SPACA9: variants seen among roughly 807,000 people sequenced by gnomAD.
SPACA9 encodes sperm acrosome associated 9, also known as sperm acrosome-associated protein 9.
Under a neutral mutation model 12.5 loss-of-function variants are expected in SPACA9, and 14 were observed. The observed-to-expected ratio is 1.12, with a 90% CI of 0.74 to 1.75. SPACA9 has a LOEUF of 1.75. Among genes scored for constraint, SPACA9 ranks in the 40% most tolerant of loss-of-function variants. SPACA9 has a pLI of 0.00. For synonymous variants in SPACA9, 111 were observed against 114.1 expected (o/e 0.97, Z 0.17); for missense variants, 292 against 291.9 (o/e 1.00, Z 0.00).
intron 1 of SPACA9, among the ~76,000 whole-genome samples, chr9:132,879,880 C>G (rs1844343017): frequency 6.6e-6 from 1 of 152,230 alleles, no homozygotes; most frequent in Admixed American, 6.5e-5. Context: ...AACTCTGCAT[C>G]CAGGCTCCAG....
At position 132,888,232 on chromosome 9, in the gene SPACA9, G is replaced by A; in HGVS notation, c.348-58G>A. Reference sequence around the variant, plus strand: ...TGTGCCTGAGGTGTGGCAGCTGCTTGCCACGGCATGGCAAGTCCCGGGAGC... The same window carrying A: ...TGTGCCTGAGGTGTGGCAGCTGCTTACCACGGCATGGCAAGTCCCGGGAGC... On this transcript the variant is annotated intron_variant, in intron 3 of 3. Coordinates refer to ENST00000356311, the MANE Select transcript of SPACA9 (RefSeq NM_001316897.2). The surrounding 1 kb of genome is among the most constrained non-coding windows in gnomAD (Gnocchi z 5.0). 1 of 1,551,448 alleles carries A rather than the reference G, an allele frequency of 6.4e-7. No individual in the cohort carries two copies.
intron 1 of SPACA9, among the ~76,000 whole-genome samples, chr9:132,879,937 A>C (rs887789400): frequency 6.6e-6 from 1 of 152,222 alleles, no homozygotes; most frequent in African/African-American, 2.4e-5. Context: ...ATGCCCTCCC[A>C]ACGTAAAAGC....
intron 1 of SPACA9, 71 bp from the exon 2 acceptor site, chr9:132,883,823 ATCCCTCTCCCCTGACAG>A: frequency 9.7e-7 from 1 of 1,033,290 alleles, no homozygotes; most frequent in Non-Finnish European, 1.5e-6. Context: ...GGCCATGGGT[ATCCCTCTCCCCTGACAG>A]TCCTTCCCTC....
chr9:132,880,806 G>A (rs1411050908), intron 1 of SPACA9, among the ~76,000 whole-genome samples: 1 of 151,700 alleles, frequency 6.6e-6, no homozygotes, highest in African/African-American at 2.4e-5. Flanking sequence ...GCCTCAGTAT[G>A]GCAAGGTGCA....
chr9:132,878,464 G>C, upstream of SPACA9: 1 of 1,220,706 alleles, frequency 8.2e-7, no homozygotes, highest in Non-Finnish European at 1.0e-6. This position sits in a 1 kb window ranked among gnomAD's most constrained non-coding sequence, Gnocchi z 4.7. Context: ...CCCCGGCCTC[G>C]CTTTTCCCAT....
At chr9:132,878,488 CG>C (rs1201785138), upstream of SPACA9, 25 of 1,208,154 alleles carry the variant, frequency 2.1e-5, no homozygotes, top group Admixed American at 2.6e-4. The surrounding 1 kb of genome is among the most constrained non-coding windows in gnomAD (Gnocchi z 4.7). Context: ...CGCATCTTAG[CG>C]GGGGACACCC....
At chr9:132,881,965 G>C (rs1245904744) in intron 1 of SPACA9, among the ~76,000 whole-genome samples, 1 of 152,226 alleles carries the variant, frequency 6.6e-6, no homozygotes, top group Non-Finnish European at 1.5e-5. Context: ...CTGTGCGTGA[G>C]TCAGCATGTC....
intron 2 of SPACA9, among the ~76,000 whole-genome samples, chr9:132,885,490 G>T (rs1037055183): frequency 2.1e-5 from 3 of 142,868 alleles, no homozygotes; most frequent in African/African-American, 7.8e-5. Context: ...TCCAGCCTGG[G>T]TGACACAGCA....
intron 2 of SPACA9, among the ~76,000 whole-genome samples, chr9:132,886,788 C>T (rs1254544111): frequency 6.6e-6 from 1 of 151,924 alleles, no homozygotes; most frequent in African/African-American, 2.4e-5. Flanking sequence ...TATCTATCTA[C>T]CCATCCATCC....
Position 132,888,153 on chromosome 9 carries a change from G to A in SPACA9, c.348-137G>A. The A allele has an allele frequency of 1.4e-6, 2 of 1,392,790 alleles. No homozygotes were observed. Among genetic ancestry groups the A allele is most frequent in the African/African-American group, 2.9e-5 (2 of 69,216 alleles). The allele number at this position is 1,392,790 out of a possible 1,614,324, so 86.3% of individuals were successfully genotyped here. A position where few individuals can be genotyped will look rare whatever the true frequency, so the allele number is the denominator to read the frequency against. On this transcript the variant is annotated intron_variant, in intron 3 of 3. Coordinates refer to ENST00000356311, the MANE Select transcript of SPACA9 (RefSeq NM_001316897.2). The surrounding 1 kb of genome is among the most constrained non-coding windows in gnomAD (Gnocchi z 5.0). Reference sequence around the variant, plus strand: ...TGGTCTGCCAGAATCTCTGGGGACAGAGCGCCTCAGCGTGCTGTGTGTCCA... The same window carrying A: ...TGGTCTGCCAGAATCTCTGGGGACAAAGCGCCTCAGCGTGCTGTGTGTCCA...
chr9:132,887,641 C>T lies in SPACA9; in HGVS notation c.347+70C>T. On this transcript the variant is annotated intron_variant, in intron 3 of 3. Coordinates refer to ENST00000356311, the MANE Select transcript of SPACA9 (RefSeq NM_001316897.2). This position sits in a 1 kb window ranked among gnomAD's most constrained non-coding sequence, Gnocchi z 5.4. ...GGGGAGGCCTCTGTCCTGCTTCTTT[C>T]CTGTTGCCTGGATCATGGTGCTCCT... is the stretch of plus-strand genomic sequence containing the variant. 1 of 1,360,818 alleles carries T rather than the reference C, an allele frequency of 7.3e-7. No individual in the cohort carries two copies. The highest frequency in any genetic ancestry group is 1.0e-6 in the Non-Finnish European group (1 of 959,926). The allele number at this position is 1,360,818 out of a possible 1,614,324, so 84.3% of individuals were successfully genotyped here.
chr9:132,888,776 T>G lies in SPACA9; in HGVS notation c.*165T>G, dbSNP rs1844650041. 9.3e-7 allele frequency: 1 copy of G among 1,079,216 alleles called. No individual in the cohort carries two copies. The highest frequency in any genetic ancestry group is 1.2e-6 in the Non-Finnish European group (1 of 852,344). 66.9% of individuals were successfully genotyped at this position (1,079,216 alleles called of 1,614,324 possible). On this transcript the variant is annotated 3_prime_UTR_variant, in exon 4 of 4. Coordinates refer to ENST00000356311, the MANE Select transcript of SPACA9 (RefSeq NM_001316897.2). This position sits in a 1 kb window ranked among gnomAD's most constrained non-coding sequence, Gnocchi z 5.0. ...CTCTCTCTCTTCTTGCTTTAACTTC[T>G]TTTTTTTTTGAGACGGAGTCTCGCT...
upstream of SPACA9, chr9:132,878,405 G>A: frequency 8.1e-7 from 1 of 1,239,334 alleles, no homozygotes; most frequent in South Asian, 4.0e-5. The surrounding 1 kb of genome is among the most constrained non-coding windows in gnomAD (Gnocchi z 4.7). Context: ...CCCCCGCCCC[G>A]ACCTCCCCGG....
intron 1 of SPACA9, among the ~76,000 whole-genome samples, chr9:132,881,120 A>T (rs1186906875): frequency 6.6e-6 from 1 of 151,810 alleles, no homozygotes; most frequent in Admixed American, 6.6e-5. Context: ...TACCGCGCCC[A>T]GCCAGCAATC....
Position 132,889,024 on chromosome 9 carries a change from C to G in SPACA9, c.*413C>G, listed in dbSNP as rs999810069. 5 of 919,138 alleles carry G rather than the reference C, an allele frequency of 5.4e-6. No individual in the cohort carries two copies. In the Admixed American group the frequency reaches 2.1e-4, roughly 38 times the overall value. 56.9% of individuals were successfully genotyped at this position (919,138 alleles called of 1,614,324 possible). A position where few individuals can be genotyped will look rare whatever the true frequency, so the allele number is the denominator to read the frequency against. ...CCTCATGATCTACCCTCGTGATCGG[C>G]CTCCCAAAGTGCTGGGATTACAGGC... On this transcript the variant is annotated 3_prime_UTR_variant, in exon 4 of 4. Transcript: ENST00000356311.
In SPACA9 at chr9:132,889,559, C is replaced by T. The variant is rs1276878124; in HGVS notation, c.*948C>T. The T allele has an allele frequency of 2.5e-5, 9 of 364,720 alleles. No homozygotes were observed. The highest frequency in any genetic ancestry group is 3.4e-5 in the Non-Finnish European group (9 of 262,716). The allele number at this position is 364,720 out of a possible 1,614,324, so 22.6% of individuals were successfully genotyped here. ...TAGCTGGAATTACAGGCGCCCACCA[C>T]CCCACCTGGCTAATTTATATATATA... is the stretch of plus-strand genomic sequence containing the variant. On this transcript the variant is annotated 3_prime_UTR_variant, in exon 4 of 4. Coordinates refer to ENST00000356311, the MANE Select transcript of SPACA9 (RefSeq NM_001316897.2).
chr9:132,883,149 CAA>C (rs763267163), intron 1 of SPACA9, among the ~76,000 whole-genome samples: 14 of 152,152 alleles, frequency 9.2e-5, no homozygotes, highest in African/African-American at 2.2e-4. Flanking sequence ...TGTGAGGCGC[CAA>C]GAGAGAGTCC....
chr9:132,889,147 G>A lies in SPACA9; in HGVS notation c.*536G>A. The A allele has an allele frequency of 1.0e-6, 1 of 990,034 alleles. No individual in the cohort carries two copies. The allele number at this position is 990,034 out of a possible 1,614,324, so 61.3% of individuals were successfully genotyped here. ...ATGAAGAGGAAACCCACTTACAGAA[G>A]TTGCCCAAACAGGATGGTGTGGTAG... On this transcript the variant is annotated 3_prime_UTR_variant, in exon 4 of 4. Transcript: ENST00000356311.
rs1481452367 is a variant in SPACA9, at chr9:132,889,590, T to A, written c.*979T>A. The A allele has an allele frequency of 6.8e-5, 23 of 337,704 alleles. No individual in the cohort carries two copies. The South Asian group carries it at 8.2e-4, about 12-fold the overall frequency. 20.9% of individuals were successfully genotyped at this position (337,704 alleles called of 1,614,324 possible). A position where few individuals can be genotyped will look rare whatever the true frequency, so the allele number is the denominator to read the frequency against. On this transcript the variant is annotated 3_prime_UTR_variant, in exon 4 of 4. Transcript: ENST00000356311. ...CTGGCTAATTTATATATATATATAT[T>A]TTTTAGTAGAGACGGGGCTTCACCA... is the stretch of plus-strand genomic sequence containing the variant.
Sources: gnomAD v4.1 joint callset for allele counts (sites outside exome capture counted in the v4.1 genomes callset) on GRCh38, gnomAD v4.1.1 for gene constraint, Gnocchi (gnomAD v3.1) non-coding constraint, MANE v1.5 for transcripts, NCBI Gene and HGNC (gene_info 2026-07-23, HGNC 2026-07-21) for gene names.